The following KAT2B variants were observed in gnomAD, a reference collection of about 807,000 sequenced individuals.
KAT2B encodes the protein lysine acetyltransferase 2B.
In KAT2B, 36 loss-of-function variants were observed where a neutral mutation model predicts 105.9. That is an observed-to-expected ratio of 0.34 (90% CI 0.26 to 0.45). KAT2B has a LOEUF of 0.45. KAT2B is among the 20% of genes least tolerant of loss of function. KAT2B has a pLI of 1.00. For synonymous variants in KAT2B, 397 were observed against 377.9 expected (o/e 1.05, Z -0.59); for missense variants, 820 against 1,021.6 (o/e 0.80, Z 2.69).
chr3:20,089,730 C>A (rs1698682023), intron 2 of KAT2B, among the ~76,000 whole-genome samples: 1 of 152,072 alleles, frequency 6.6e-6, no homozygotes, highest in South Asian at 2.1e-4. Context: ...TTATAGTTTG[C>A]AGTGTACATA....
chr3:20,074,533 A>T (rs1325625976), intron 2 of KAT2B, among the ~76,000 whole-genome samples: 1 of 152,194 alleles, frequency 6.6e-6, no homozygotes, highest in Non-Finnish European at 1.5e-5. Flanking sequence ...ATACATGATT[A>T]TTGGCTGATG....
At chr3:20,104,887 T>G (rs7653243) in intron 5 of KAT2B, among the ~76,000 whole-genome samples, 92,153 of 149,606 alleles carry the variant, frequency 0.62, 29,121 homozygotes, top group African/African-American at 0.76. Context: ...TTGTTGTTTT[T>G]TTGTTTTTTT....
intron 17 of KAT2B, chr3:20,149,061 G>A (rs1699824804): frequency 1.3e-5 from 2 of 152,184 alleles, no homozygotes; most frequent in Non-Finnish European, 2.9e-5. Flanking sequence ...AACAAAAAAG[G>A]ATGTCTTCAG....
intron 11 of KAT2B, among the ~76,000 whole-genome samples, chr3:20,134,459 C>T (rs759807800): frequency 1.3e-5 from 2 of 152,152 alleles, no homozygotes; most frequent in Admixed American, 6.6e-5. Flanking sequence ...TGCGTTGGCG[C>T]GATCTCAGCT....
chr3:20,081,058 AATG>A (rs1327415604), intron 2 of KAT2B, among the ~76,000 whole-genome samples: 1 of 152,174 alleles, frequency 6.6e-6, no homozygotes, highest in African/African-American at 2.4e-5. Flanking sequence ...ACCACTTTTA[AATG>A]ATAAGCCTTT....
chr3:20,072,576 A>G lies in KAT2B; in HGVS notation c.430+117A>G. 4 of 926,720 alleles carry G rather than the reference A, an allele frequency of 4.3e-6. No individual in the cohort carries two copies. The South Asian group carries it at 4.5e-5, about 10-fold the overall frequency. The allele number at this position is 926,720 out of a possible 1,614,324, so 57.4% of individuals were successfully genotyped here. A position where few individuals can be genotyped will look rare whatever the true frequency, so the allele number is the denominator to read the frequency against. Reference sequence around the variant, plus strand: ...ATGCTGTGTACCTCTGTATGAGAGCAACAACAAGAGCCTCTCTAGTCTCAC... The same window carrying G: ...ATGCTGTGTACCTCTGTATGAGAGCGACAACAAGAGCCTCTCTAGTCTCAC... On this transcript the variant is annotated intron_variant, in intron 2 of 17. Coordinates refer to ENST00000263754, the MANE Select transcript of KAT2B (RefSeq NM_003884.5).
intron 6 of KAT2B, among the ~76,000 whole-genome samples, chr3:20,112,684 G>A (rs1233127936): frequency 1.3e-5 from 2 of 152,166 alleles, no homozygotes; most frequent in Non-Finnish European, 2.9e-5. Context: ...GGCTAGGTAT[G>A]ATATAGCCTT....
chr3:20,074,849 G>GT (rs1296612168), intron 2 of KAT2B, among the ~76,000 whole-genome samples: 28 of 152,188 alleles, frequency 1.8e-4, no homozygotes, highest in African/African-American at 6.3e-4. Context: ...CCTGTTATGT[G>GT]TTTAACTCTG....
intron 11 of KAT2B, among the ~76,000 whole-genome samples, chr3:20,131,464 A>G (rs962079083): frequency 6.6e-6 from 1 of 152,210 alleles, no homozygotes; most frequent in African/African-American, 2.4e-5. Context: ...ACTAGACAAC[A>G]TGGAAGCACT....
chr3:20,125,427 A>G (rs761019901), intron 9 of KAT2B, among the ~76,000 whole-genome samples: 3 of 152,182 alleles, frequency 2.0e-5, no homozygotes, highest in Admixed American at 6.5e-5. Context: ...TTGAAGCCAG[A>G]GGTTGGCAAA....
At chr3:20,089,696 G>A (rs1698681448) in intron 2 of KAT2B, among the ~76,000 whole-genome samples, 1 of 152,004 alleles carries the variant, frequency 6.6e-6, no homozygotes, top group Non-Finnish European at 1.5e-5. Flanking sequence ...CACTGCGCCT[G>A]GCCTACTTTC....
chr3:20,077,700 T>C (rs1418065786), intron 2 of KAT2B, among the ~76,000 whole-genome samples: 1 of 152,236 alleles, frequency 6.6e-6, no homozygotes, highest in African/African-American at 2.4e-5. Flanking sequence ...GTATTTCTAT[T>C]GAATTGTGCT....
chr3:20,133,383 T>G lies in KAT2B; in HGVS notation c.1750-3559T>G, dbSNP rs145877913. Among the ~76,000 whole-genome samples, 8 of 152,090 alleles carry G rather than the reference T, an allele frequency of 5.3e-5. No individual in the cohort carries two copies. In the East Asian group the frequency reaches 1.5e-3, roughly 29 times the overall value. On this transcript the variant is annotated intron_variant, in intron 11 of 17. Coordinates refer to ENST00000263754, the MANE Select transcript of KAT2B (RefSeq NM_003884.5). The stretch of plus-strand genomic sequence containing the variant: ...TAGATACCTTAAATTAAAATGAATA[T>G]TTACATCCTTGGTTACTCAGGTACT...
intron 1 of KAT2B, among the ~76,000 whole-genome samples, chr3:20,046,712 G>A (rs1697817662): frequency 6.6e-6 from 1 of 152,176 alleles, no homozygotes; most frequent in South Asian, 2.1e-4. Context: ...CCTTATAGTT[G>A]GAGAGCGCCC....
Position 20,127,675 on chromosome 3 carries a change from C to A in KAT2B, c.1749+126C>A. 4 of 866,670 alleles carry A rather than the reference C, an allele frequency of 4.6e-6. No homozygotes were observed. The South Asian group carries it at 7.3e-5, about 16-fold the overall frequency. 53.7% of individuals were successfully genotyped at this position (866,670 alleles called of 1,614,324 possible). A position where few individuals can be genotyped will look rare whatever the true frequency, so the allele number is the denominator to read the frequency against. ...GGTTCAAAGTGGAGTTAAGGACTTT[C>A]TGGGAATAGTCCTCTCACTCCAATG... On this transcript the variant is annotated intron_variant, in intron 11 of 17. Coordinates refer to ENST00000263754, the MANE Select transcript of KAT2B (RefSeq NM_003884.5).
rs781490524 is a variant in KAT2B, at chr3:20,139,221, C to CTTT, written c.1861-993_1861-991dup. On this transcript the variant is annotated intron_variant, in intron 12 of 17. Coordinates refer to ENST00000263754, the MANE Select transcript of KAT2B (RefSeq NM_003884.5). ...TGAGCCACTGCACCCAGCCAGACTT[C>CTTT]TTTTTTTTTAAAAATGTGTTCTTAT... 4.0e-5 allele frequency among the ~76,000 whole-genome samples: 6 copies of CTTT among 151,790 alleles called. No individual in the cohort carries two copies. In the East Asian group the frequency reaches 9.7e-4, roughly 24 times the overall value.
chr3:20,101,229 G>C (rs1020236410), intron 4 of KAT2B, 58 bp from the exon 5 acceptor site: 1 of 1,412,014 alleles, frequency 7.1e-7, no homozygotes, highest in African/African-American at 1.4e-5. Context: ...CTGTGTGGGT[G>C]TTCAGAATTA....
intron 1 of KAT2B, among the ~76,000 whole-genome samples, chr3:20,054,106 A>AT (rs967576261): frequency 7.5e-5 from 11 of 146,150 alleles, no homozygotes; most frequent in East Asian, 2.0e-4. Flanking sequence ...CTTTAGACTT[A>AT]TTTTTTTTTG....
chr3:20,110,672 CAAAA>C (rs55653348), intron 5 of KAT2B, among the ~76,000 whole-genome samples: 2 of 69,476 alleles, frequency 2.9e-5, no homozygotes, highest in African/African-American at 6.1e-5. Context: ...GACCCTGTCT[CAAAA>C]AAAAAAAAAA....
Sources: allele counts gnomAD v4.1 joint callset (sites outside exome capture counted in the v4.1 genomes callset), GRCh38; gene constraint gnomAD v4.1.1; transcripts MANE v1.5; gene names NCBI Gene and HGNC (gene_info 2026-07-23, HGNC 2026-07-21).